C2orf49: variants seen among roughly 807,000 people sequenced by gnomAD.
C2orf49 encodes the protein tRNA splicing ligase complex subunit 2.
Under a neutral mutation model 20.6 loss-of-function variants are expected in C2orf49, and 11 were observed. The ratio of observed to expected loss-of-function variants is 0.53; its 90% CI spans 0.34 to 0.88. The LOEUF (loss-of-function observed/expected upper bound fraction) is 0.88, where lower values mean the gene tolerates loss of function less well. C2orf49 is among the 40% of genes least tolerant of loss of function. The probability of loss-of-function intolerance (pLI) is 0.02; values close to 1 mark genes in which losing one functional copy is unlikely to be tolerated. For synonymous variants in C2orf49, 134 were observed against 108.5 expected (o/e 1.24, Z -1.46); for missense variants, 289 against 274.2 (o/e 1.05, Z -0.38).
the C2orf49 span, among the ~76,000 whole-genome samples, chr2:105,369,005 G>A: frequency 6.6e-6 from 1 of 152,220 alleles, no homozygotes; most frequent in Admixed American, 6.5e-5. Flanking sequence ...AGACGGCCGA[G>A]TAGTGTGCAG....
rs367579714 is a variant in C2orf49, at chr2:105,343,011, A to G, written c.430A>G (p.Asn144Asp). ...CAGTAATGCCTTTAGAAAATTATCA[A>G]ATTCCTCTTCGAGTGTTTCACCCCT... ...FTSNAFRKLSNSSSSVSPLIL... is the reference protein window; with the variant it reads ...FTSNAFRKLSDSSSSVSPLIL... The change falls in exon 3 of 4, where the codon AAT becomes GAT. Residue 144 changes from asparagine (N) to aspartate (D), a missense_variant. Coordinates refer to ENST00000258457, the MANE Select transcript of C2orf49 (RefSeq NM_024093.3). 37 of 1,614,128 alleles carry G rather than the reference A, an allele frequency of 2.3e-5. No individual in the cohort carries two copies. The highest frequency in any genetic ancestry group is 2.8e-5 in the Non-Finnish European group (33 of 1,180,052).
the C2orf49 span, among the ~76,000 whole-genome samples, chr2:105,356,193 C>T: frequency 0.019 from 2,855 of 152,170 alleles, 94 homozygotes; most frequent in African/African-American, 0.065. Context: ...GAGTTCAAGA[C>T]GAGCCTGGCC....
intron 3 of C2orf49, 150 bp downstream of exon 3, chr2:105,343,373 C>G: frequency 1.6e-6 from 1 of 632,218 alleles, no homozygotes; most frequent in Non-Finnish European, 2.4e-6. Context: ...ACTTATTACT[C>G]CAGTACTTGA....
At chr2:105,342,285 G>T (rs891698646) in intron 2 of C2orf49, among the ~76,000 whole-genome samples, 2 of 152,324 alleles carry the variant, frequency 1.3e-5, no homozygotes, top group African/African-American at 4.8e-5. Context: ...ACTATTAAGA[G>T]TGGAAATTAG....
chr2:105,351,695 G>A (rs577919612), downstream of C2orf49, among the ~76,000 whole-genome samples: 61 of 152,104 alleles, frequency 4.0e-4, no homozygotes, highest in African/African-American at 1.4e-3. Context: ...ATGCTCTAGC[G>A]TCATTTTGTA....
At chr2:105,377,092 C>T in the C2orf49 span, among the ~76,000 whole-genome samples, 1 of 152,194 alleles carries the variant, frequency 6.6e-6, no homozygotes, top group Non-Finnish European at 1.5e-5. Flanking sequence ...TTTCTGCAAT[C>T]AGACCTTGGC....
chr2:105,378,298 C>G, the C2orf49 span: 1 of 418,314 alleles, frequency 2.4e-6, no homozygotes, highest in South Asian at 1.8e-5. Context: ...CCACATGTTA[C>G]TGGACTAAGC....
rs1295362135 is a variant in C2orf49 at position 105,346,623 on chromosome 2, G to A, written c.*1252G>A. Reference sequence around the variant, plus strand: ...GAGTCCAGGAAGCATAGCAGTCAGGGGCAAAAATTAGCGTAATATGGAGTA... The same window carrying A: ...GAGTCCAGGAAGCATAGCAGTCAGGAGCAAAAATTAGCGTAATATGGAGTA... On this transcript the variant is annotated 3_prime_UTR_variant, in exon 4 of 4. Transcript: ENST00000258457. The A allele has an allele frequency of 6.6e-6, 1 of 152,144 alleles. No homozygotes were observed. Among genetic ancestry groups the A allele is most frequent in the Non-Finnish European group, 1.5e-5 (1 of 68,044 alleles). The allele number at this position is 152,144 out of a possible 1,614,324, so 9.4% of individuals were successfully genotyped here. A position where few individuals can be genotyped will look rare whatever the true frequency, so the allele number is the denominator to read the frequency against.
At chr2:105,362,619 A>C in the C2orf49 span, among the ~76,000 whole-genome samples, 2 of 152,340 alleles carry the variant, frequency 1.3e-5, no homozygotes, top group Non-Finnish European at 2.9e-5. Context: ...TACAGAACAC[A>C]CACTTTTCTC....
At position 105,337,625 on chromosome 2, in the gene C2orf49, C is replaced by G; in HGVS notation, c.38C>G (p.Ser13Trp). Residue 13 changes from serine to tryptophan, a missense_variant, in exon 1 of 4, where the codon TCG (serine) becomes TGG (tryptophan). Ser to Trp is a radical substitution (Grantham distance 177). Transcript: ENST00000258457. Reference sequence around the variant, plus strand: ...GTGGGCGGTCGCAGCTGCACGGACTCGGAACTGCTGCTGCACCCGGAGCTG... The same window carrying G: ...GTGGGCGGTCGCAGCTGCACGGACTGGGAACTGCTGCTGCACCCGGAGCTG... ...GDVGGRSCTDSELLLHPELLS... is the reference protein window; with the variant it reads ...GDVGGRSCTDWELLLHPELLS... 1.2e-6 allele frequency: 2 copies of G among 1,606,552 alleles called. No homozygotes were observed. Among genetic ancestry groups the G allele is most frequent in the South Asian group, 2.2e-5 (2 of 90,886 alleles).
chr2:105,341,774 G>A (rs747943530), intron 2 of C2orf49, among the ~76,000 whole-genome samples: 2 of 152,366 alleles, frequency 1.3e-5, no homozygotes, highest in African/African-American at 4.8e-5. Flanking sequence ...ACTGACTGAC[G>A]TTGCTGTGCT....
At chr2:105,372,916 T>C in the C2orf49 span, among the ~76,000 whole-genome samples, 1 of 152,196 alleles carries the variant, frequency 6.6e-6, no homozygotes, top group African/African-American at 2.4e-5. Flanking sequence ...AAATAAAAGA[T>C]TCTGCTCTCC....
Position 105,346,619 on chromosome 2 carries a change from CAG to C in C2orf49, c.*1249_*1250del, listed in dbSNP as rs943669597. 8 of 152,126 alleles carry C rather than the reference CAG, an allele frequency of 5.3e-5. No individual in the cohort carries two copies. The highest frequency in any genetic ancestry group is 7.3e-5 in the Non-Finnish European group (5 of 68,040). The allele number at this position is 152,126 out of a possible 1,614,324, so 9.4% of individuals were successfully genotyped here. A position where few individuals can be genotyped will look rare whatever the true frequency, so the allele number is the denominator to read the frequency against. On this transcript the variant is annotated 3_prime_UTR_variant, in exon 4 of 4. Coordinates refer to ENST00000258457, the MANE Select transcript of C2orf49 (RefSeq NM_024093.3). Reference sequence around the variant, plus strand: ...ATAAGAGTCCAGGAAGCATAGCAGTCAGGGGCAAAAATTAGCGTAATATGGAG... The same window carrying C: ...ATAAGAGTCCAGGAAGCATAGCAGTCGGGCAAAAATTAGCGTAATATGGAG...
At chr2:105,368,048 G>A in the C2orf49 span, among the ~76,000 whole-genome samples, 1 of 152,216 alleles carries the variant, frequency 6.6e-6, no homozygotes, top group African/African-American at 2.4e-5. Flanking sequence ...TCTCAGCAAT[G>A]CAAAGTATAA....
chr2:105,367,786 G>C, the C2orf49 span: 13 of 1,565,106 alleles, frequency 8.3e-6, no homozygotes, highest in African/African-American at 1.6e-4. Context: ...GGTTAGAGGG[G>C]TGTGGAGTCC....
chr2:105,352,435 T>TTTG (rs1553412748), downstream of C2orf49, among the ~76,000 whole-genome samples: 2 of 122,934 alleles, frequency 1.6e-5, no homozygotes, highest in African/African-American at 5.7e-5. Flanking sequence ...TTGGGTTTTT[T>TTTG]TTTTTTTTTT....
the C2orf49 span, chr2:105,376,025 ATCG>A: frequency 6.6e-6 from 1 of 152,202 alleles, no homozygotes; most frequent in African/African-American, 2.4e-5. Context: ...GGACATCATC[ATCG>A]TTCGGGAACA....
chr2:105,357,652 C>T, the C2orf49 span: 9 of 152,046 alleles, frequency 5.9e-5, no homozygotes, highest in African/African-American at 2.2e-4. Context: ...ATGGATTCAA[C>T]ATAGTACTCA....
chr2:105,340,332 A>T (rs976071424), intron 2 of C2orf49, among the ~76,000 whole-genome samples: 6 of 152,232 alleles, frequency 3.9e-5, no homozygotes, highest in African/African-American at 1.4e-4. Flanking sequence ...CATTTTGACA[A>T]GATGACTCTG....
Sources: gnomAD v4.1 joint callset for allele counts (sites outside exome capture counted in the v4.1 genomes callset) on GRCh38, gnomAD v4.1.1 for gene constraint, MANE v1.5 for transcripts, NCBI Gene and HGNC (gene_info 2026-07-23, HGNC 2026-07-21) for gene names.